The following DPYD variants were observed in gnomAD, a reference collection of about 807,000 sequenced individuals.
DPYD encodes dihydropyrimidine dehydrogenase.
In DPYD, 109 loss-of-function variants were observed where a neutral mutation model predicts 116.2. That is an observed-to-expected ratio of 0.94 (90% CI 0.80 to 1.10). DPYD has a LOEUF of 1.10. Ranked by LOEUF, DPYD falls within the 50% of genes least tolerant of loss-of-function variation. The pLI is 0.00. For synonymous variants in DPYD, 440 were observed against 432.0 expected (o/e 1.02, Z -0.23); for missense variants, 1,302 against 1,254.5 (o/e 1.04, Z -0.57).
At chr1:97,379,008 C>A (rs569896618) in intron 15 of DPYD, among the ~76,000 whole-genome samples, 7 of 152,306 alleles carry the variant, frequency 4.6e-5, no homozygotes, top group African/African-American at 1.7e-4. Flanking sequence ...CAGGGACTTG[C>A]AAGTGGCCCA....
intron 19 of DPYD, among the ~76,000 whole-genome samples, chr1:97,198,722 T>A (rs1658992201): frequency 6.6e-6 from 1 of 152,202 alleles, no homozygotes; most frequent in African/African-American, 2.4e-5. Context: ...TAGTATAATT[T>A]GTAAGTTCTT....
chr1:97,790,213 T>C (rs1383346241), intron 3 of DPYD, among the ~76,000 whole-genome samples: 1 of 152,200 alleles, frequency 6.6e-6, no homozygotes, highest in Non-Finnish European at 1.5e-5. Flanking sequence ...ATCAATTCTG[T>C]CTTAAAGTTG....
chr1:97,087,362 T>C (rs1294303936), intron 21 of DPYD, among the ~76,000 whole-genome samples: 1 of 152,186 alleles, frequency 6.6e-6, no homozygotes, highest in East Asian at 1.9e-4. Flanking sequence ...AAAGGACATC[T>C]TAAGTTTAAA....
At chr1:97,763,992 C>T (rs1445748098) in intron 3 of DPYD, among the ~76,000 whole-genome samples, 1 of 151,946 alleles carries the variant, frequency 6.6e-6, no homozygotes, top group African/African-American at 2.4e-5. Context: ...TCAGAATGAA[C>T]ATAAAAGTAG....
intron 5 of DPYD, among the ~76,000 whole-genome samples, chr1:97,710,051 AC>A (rs1662198083): frequency 6.6e-6 from 1 of 151,846 alleles, no homozygotes; most frequent in Admixed American, 6.6e-5. Flanking sequence ...GCAAGTGTTT[AC>A]CTTGATTTCA....
chr1:97,727,093 AT>A (rs1191200479), intron 4 of DPYD, among the ~76,000 whole-genome samples: 1 of 151,662 alleles, frequency 6.6e-6, no homozygotes, highest in Non-Finnish European at 1.5e-5. Flanking sequence ...GTGTATGTTT[AT>A]TTTTTTGAAA....
At chr1:97,270,227 C>T (rs1664491280) in intron 18 of DPYD, among the ~76,000 whole-genome samples, 1 of 152,134 alleles carries the variant, frequency 6.6e-6, no homozygotes, top group East Asian at 1.9e-4. Flanking sequence ...TCATAAACAA[C>T]CGGAGAATGG....
rs138914038 is a variant in DPYD, at chr1:97,380,292, G to T, written c.1974+2101C>A. 3.0e-4 allele frequency among the ~76,000 whole-genome samples: 46 copies of T among 152,210 alleles called. 1 individual carries two copies. In the East Asian group the frequency reaches 8.7e-3, roughly 29 times the overall value. The stretch of plus-strand genomic sequence containing the variant: ...ATAAATCTTCTTTTGCATAGAATTG[G>T]AGTAGACTACCAAGGTTCCAGAAAA... On this transcript the variant is annotated intron_variant, in intron 15 of 22. Transcript: ENST00000370192.
intron 18 of DPYD, among the ~76,000 whole-genome samples, chr1:97,255,741 A>C (rs1663411998): frequency 6.6e-6 from 1 of 150,958 alleles, no homozygotes; most frequent in South Asian, 2.1e-4. Flanking sequence ...ACAAATCTAG[A>C]GTGGCTGAGT....
chr1:97,432,423 T>C (rs1439132844), intron 14 of DPYD, among the ~76,000 whole-genome samples: 3 of 152,160 alleles, frequency 2.0e-5, no homozygotes, highest in Non-Finnish European at 4.4e-5. Flanking sequence ...ACTTCTTTTA[T>C]TTCTCTTTGG....
At chr1:97,410,098 A>G (rs993731825) in intron 14 of DPYD, among the ~76,000 whole-genome samples, 1 of 151,764 alleles carries the variant, frequency 6.6e-6, no homozygotes, top group African/African-American at 2.4e-5. Context: ...GAAGAAGAAA[A>G]AAAAAAACTA....
chr1:97,225,814 C>T (rs1661116775), intron 19 of DPYD, among the ~76,000 whole-genome samples: 1 of 151,882 alleles, frequency 6.6e-6, no homozygotes. Context: ...GAGCTTTTCC[C>T]CTGTGTTTTC....
intron 14 of DPYD, among the ~76,000 whole-genome samples, chr1:97,409,412 T>C (rs986975913): frequency 2.0e-5 from 3 of 152,140 alleles, no homozygotes; most frequent in Non-Finnish European, 2.9e-5. Context: ...TATCTCATCA[T>C]GTCCCTGTGG....
chr1:97,213,270 T>G (rs552742450), intron 19 of DPYD, among the ~76,000 whole-genome samples: 1 of 152,182 alleles, frequency 6.6e-6, no homozygotes, highest in East Asian at 1.9e-4. Context: ...ACAGGATTAC[T>G]GGAGGTATAA....
chr1:97,434,125 C>A (rs1473008341), intron 14 of DPYD, among the ~76,000 whole-genome samples: 1 of 152,026 alleles, frequency 6.6e-6, no homozygotes, highest in Admixed American at 6.6e-5. Flanking sequence ...CAAAAAGCAG[C>A]ACAAAGTTAA....
intron 3 of DPYD, among the ~76,000 whole-genome samples, chr1:97,748,834 C>G (rs1015087820): frequency 6.6e-6 from 1 of 152,094 alleles, no homozygotes; most frequent in Non-Finnish European, 1.5e-5. Flanking sequence ...TTGGTTGTTT[C>G]CCCATGGTAA....
chr1:97,598,509 T>C (rs952092468), intron 8 of DPYD, among the ~76,000 whole-genome samples: 2 of 152,108 alleles, frequency 1.3e-5, no homozygotes, highest in African/African-American at 4.8e-5. Flanking sequence ...GAATAGTTAT[T>C]GAAGTTTTTG....
chr1:97,135,750 A>T (rs1002048901), intron 20 of DPYD, among the ~76,000 whole-genome samples: 2 of 152,126 alleles, frequency 1.3e-5, no homozygotes, highest in African/African-American at 4.8e-5. Flanking sequence ...CTCACCCCAC[A>T]TGGGTACTCA....
intron 3 of DPYD, among the ~76,000 whole-genome samples, chr1:97,742,710 A>T (rs1664335295): frequency 6.6e-6 from 1 of 152,214 alleles, no homozygotes; most frequent in African/African-American, 2.4e-5. Flanking sequence ...TGTAACTGTC[A>T]TGTGGATAAA....
Sources: gnomAD v4.1 joint callset for allele counts (sites outside exome capture counted in the v4.1 genomes callset) on GRCh38, gnomAD v4.1.1 for gene constraint, MANE v1.5 for transcripts, NCBI Gene and HGNC (gene_info 2026-07-23, HGNC 2026-07-21) for gene names.